Variants in MID1 observed in about 807,000 individuals in gnomAD.
The protein encoded by MID1 is midline 1.
MID1 carries 7 observed loss-of-function variants against 40.4 expected under a neutral mutation model. The observed-to-expected ratio is 0.17, with a 90% CI of 0.10 to 0.33. The LOEUF (loss-of-function observed/expected upper bound fraction) is 0.33, where lower values mean the gene tolerates loss of function less well. MID1 is among the 10% of genes least tolerant of loss of function. The pLI is 1.00. For synonymous variants in MID1, 229 were observed against 221.2 expected (o/e 1.04, Z -0.31); for missense variants, 367 against 558.5 (o/e 0.66, Z 3.46).
At chrX:10,790,506 G>C (rs1342773067) in intron 1 of MID1, among the ~76,000 whole-genome samples, 1 of 110,303 alleles carries the variant, frequency 9.1e-6, no homozygotes, top group Non-Finnish European at 1.9e-5. Flanking sequence ...AAATCTGAAG[G>C]CTGCAGGTAA....
At chrX:10,467,906 C>T (rs1343465088) in intron 7 of MID1, among the ~76,000 whole-genome samples, 2 of 111,919 alleles carry the variant, frequency 1.8e-5, no homozygotes, top group African/African-American at 3.3e-5. Context: ...TAGGCAAGAC[C>T]TCCCACTATG....
At chrX:10,718,945 C>T in intron 1 of MID1, among the ~76,000 whole-genome samples, 1 of 111,715 alleles carries the variant, frequency 9.0e-6, no homozygotes, top group East Asian at 2.8e-4. Flanking sequence ...AAAGAAAAAA[C>T]CACATGATTA....
At chrX:10,512,446 G>A (rs762848794) in intron 3 of MID1, among the ~76,000 whole-genome samples, 5 of 112,730 alleles carry the variant, frequency 4.4e-5, no homozygotes, top group East Asian at 5.5e-4. Context: ...TTCAGGCCAC[G>A]TATCTGTGGT....
chrX:10,669,242 A>T (rs1481515402), intron 1 of MID1, among the ~76,000 whole-genome samples: 3 of 106,515 alleles, frequency 2.8e-5, no homozygotes, highest in African/African-American at 1.0e-4. Flanking sequence ...AAAAAAAAAA[A>T]AAAAAAAAAA....
chrX:10,832,737 A>T, intron 1 of MID1, among the ~76,000 whole-genome samples: 1 of 111,742 alleles, frequency 8.9e-6, no homozygotes, highest in Non-Finnish European at 1.9e-5. Flanking sequence ...CAGCTGAAAC[A>T]TTTTTTTTCC....
chrX:10,620,913 G>A (rs751758613), upstream of MID1, among the ~76,000 whole-genome samples: 6 of 111,833 alleles, frequency 5.4e-5, no homozygotes, highest in South Asian at 2.3e-3. Context: ...AGGACCCAAG[G>A]GTATTTTTAA....
intron 3 of MID1, among the ~76,000 whole-genome samples, chrX:10,504,484 T>C (rs772226647): frequency 2.3e-4 from 26 of 111,927 alleles, no homozygotes; most frequent in African/African-American, 8.4e-4. Context: ...ACTCTTTTTA[T>C]CTGGAATGTC....
At chrX:10,641,314 A>G (rs1302797767) in intron 1 of MID1, among the ~76,000 whole-genome samples, 2 of 111,783 alleles carry the variant, frequency 1.8e-5, no homozygotes, top group African/African-American at 3.3e-5. Flanking sequence ...TCAAATAGAC[A>G]CAATAAAAAA....
intron 1 of MID1, among the ~76,000 whole-genome samples, chrX:10,798,331 C>G (rs2043981165): frequency 8.9e-6 from 1 of 112,006 alleles, no homozygotes; most frequent in African/African-American, 3.2e-5. Context: ...CTATCAAAAG[C>G]AGATATGTTG....
chrX:10,669,028 G>T (rs2042968816), intron 1 of MID1, among the ~76,000 whole-genome samples: 1 of 107,125 alleles, frequency 9.3e-6, no homozygotes, highest in Non-Finnish European at 1.9e-5. Flanking sequence ...GACCATCCTG[G>T]CTAACAAGGT....
chrX:10,815,740 T>C (rs1177727799), intron 1 of MID1, among the ~76,000 whole-genome samples: 1 of 112,821 alleles, frequency 8.9e-6, no homozygotes, highest in Non-Finnish European at 1.9e-5. Context: ...CTAGTATTGA[T>C]AAATTACAAT....
chrX:10,769,961 T>C (rs1187562588), intron 1 of MID1, among the ~76,000 whole-genome samples: 11 of 111,620 alleles, frequency 9.9e-5, no homozygotes, highest in African/African-American at 3.6e-4. Context: ...CCTCCATGAA[T>C]TGGCAGGAAA....
intron 1 of MID1, among the ~76,000 whole-genome samples, chrX:10,597,807 A>AT (rs1935441860): frequency 9.0e-6 from 1 of 111,678 alleles, no homozygotes; most frequent in Admixed American, 9.5e-5. Context: ...CCTTGAATAC[A>AT]TTTTTAACTC....
intron 1 of MID1, among the ~76,000 whole-genome samples, chrX:10,701,632 T>G (rs769104520): frequency 8.9e-6 from 1 of 112,574 alleles, no homozygotes; most frequent in South Asian, 3.7e-4. Flanking sequence ...TGCTTATTTG[T>G]GTGCCCAATA....
intron 1 of MID1, among the ~76,000 whole-genome samples, chrX:10,692,279 G>A (rs1388041403): frequency 1.8e-5 from 2 of 111,258 alleles, no homozygotes; most frequent in African/African-American, 6.5e-5. Context: ...ACTGATGTGA[G>A]ATGGCACCCC....
chrX:10,783,564 C>A (rs771538719), intron 1 of MID1, among the ~76,000 whole-genome samples: 63 of 111,704 alleles, frequency 5.6e-4, no homozygotes, highest in Non-Finnish European at 8.8e-4. Context: ...ATGCGAGACA[C>A]CCAACAACCA....
chrX:10,559,524 A>G (rs958660424), intron 2 of MID1, among the ~76,000 whole-genome samples: 3 of 112,883 alleles, frequency 2.7e-5, no homozygotes, highest in African/African-American at 9.6e-5. Flanking sequence ...AGGGTTACAC[A>G]AAGAACATCA....
chrX:10,474,445 G>A (rs1929886946), intron 6 of MID1, among the ~76,000 whole-genome samples, 178 bp downstream of exon 6: 1 of 111,837 alleles, frequency 8.9e-6, no homozygotes, highest in South Asian at 3.8e-4. Context: ...TTAGTAATGG[G>A]CTGTGTTGTT....
chrX:10,738,383 T>A lies in MID1; in HGVS notation c.-187+95171A>T, dbSNP rs1341707682. Among the ~76,000 whole-genome samples the A allele has an allele frequency of 2.7e-5, 3 of 110,694 alleles. No individual in the cohort carries two copies. In the East Asian group the frequency reaches 8.6e-4, roughly 32 times the overall value. On this transcript the variant is annotated intron_variant, in intron 1 of 10. Transcript: ENST00000380785. ...TAAGGTCACAGTCACACCATCTCCTTTTGGTAAACAGAAGGAGGTCCCACC... is the reference window on the plus strand; with the variant it reads ...TAAGGTCACAGTCACACCATCTCCTATTGGTAAACAGAAGGAGGTCCCACC...
Sources: allele counts gnomAD v4.1 joint callset (sites outside exome capture counted in the v4.1 genomes callset), GRCh38; gene constraint gnomAD v4.1.1; transcripts MANE v1.5; gene names NCBI Gene and HGNC (gene_info 2026-07-23, HGNC 2026-07-21).